The following HTT-AS variants were observed in gnomAD, a reference collection of about 807,000 sequenced individuals.
HTT-AS encodes the protein HTT antisense RNA (head to head).
At chr4:3,046,566 T>C (rs181996373), downstream of HTT-AS, among the ~76,000 whole-genome samples, 1 of 152,380 alleles carries the variant, frequency 6.6e-6, no homozygotes, top group African/African-American at 2.4e-5. Flanking sequence ...CTTTTGGTCA[T>C]TTTCTCAATT....
intron 1 of HTT-AS, among the ~76,000 whole-genome samples, chr4:3,065,748 T>C (rs948537424): frequency 6.6e-6 from 1 of 152,264 alleles, no homozygotes; most frequent in Non-Finnish European, 1.5e-5. Context: ...ATCTGCTGTT[T>C]GCCCTTGTGA....
downstream of HTT-AS, among the ~76,000 whole-genome samples, chr4:3,047,037 C>T (rs947124415): frequency 5.3e-5 from 8 of 152,294 alleles, no homozygotes; most frequent in South Asian, 4.1e-4. Flanking sequence ...CTAGGCCGGG[C>T]GCAGTGGCTT....
intron 2 of HTT-AS, among the ~76,000 whole-genome samples, chr4:3,053,187 TTCTG>T (rs1397819169): frequency 6.6e-6 from 1 of 152,232 alleles, no homozygotes; most frequent in East Asian, 1.9e-4. Context: ...TTGGATCTTC[TTCTG>T]TCTGTCTGTG....
intron 1 of HTT-AS, among the ~76,000 whole-genome samples, chr4:3,066,371 T>C (rs1182933892): frequency 1.3e-5 from 2 of 152,176 alleles, no homozygotes; most frequent in Non-Finnish European, 1.5e-5. Flanking sequence ...GGTTTCACCA[T>C]GTTGGCCAGG....
In HTT-AS at chr4:3,074,077, C is replaced by T. The variant is rs1400013910; in HGVS notation, n.113+349G>A. Among the ~76,000 whole-genome samples, 10 of 145,158 alleles carry T rather than the reference C, an allele frequency of 6.9e-5. 1 individual carries two copies. The highest frequency in any genetic ancestry group is 2.3e-4 in the African/African-American group (9 of 39,034). ...CTCCATGGCCCTGCCCCTCCGCGCC[C>T]CACCCCTCCCTCGCCCCACCTCTCA... is the stretch of plus-strand genomic sequence containing the variant. On this transcript the variant is annotated intron_variant and non_coding_transcript_variant, in intron 1 of 2. Coordinates refer to ENST00000664062, the Ensembl canonical transcript of HTT-AS.
downstream of HTT-AS, among the ~76,000 whole-genome samples, chr4:3,048,112 G>A (rs186966267): frequency 1.3e-5 from 2 of 152,216 alleles, no homozygotes; most frequent in African/African-American, 4.8e-5. Flanking sequence ...GTGGTCCCCT[G>A]GGCCCAGCTG....
intron 1 of HTT-AS, among the ~76,000 whole-genome samples, chr4:3,071,414 T>C (rs1215216805): frequency 1.3e-5 from 2 of 152,174 alleles, no homozygotes; most frequent in Non-Finnish European, 2.9e-5. Flanking sequence ...TTTCCCTTCA[T>C]TTTATGTGAT....
intron 2 of HTT-AS, among the ~76,000 whole-genome samples, chr4:3,054,106 T>C (rs1416480847): frequency 2.0e-5 from 3 of 151,968 alleles, no homozygotes; most frequent in African/African-American, 7.3e-5. Context: ...CTTTTCTAAA[T>C]TGTTCAAATT....
upstream of HTT-AS, chr4:3,074,548 C>T (rs1712346957): frequency 3.0e-6 from 1 of 332,350 alleles, no homozygotes; most frequent in Admixed American, 5.1e-5. Context: ...CAGGGGCGGG[C>T]TGGTTCCCTG....
At chr4:3,055,806 G>A (rs751733241) in intron 2 of HTT-AS, among the ~76,000 whole-genome samples, 3 of 152,044 alleles carry the variant, frequency 2.0e-5, no homozygotes, top group Admixed American at 6.6e-5. Flanking sequence ...ACATCCCCAC[G>A]AATTTTCAAA....
intron 2 of HTT-AS, among the ~76,000 whole-genome samples, chr4:3,057,311 GCGTGAGCCACTGCACCCCACC>G (rs1578465980): frequency 6.6e-6 from 1 of 152,104 alleles, no homozygotes; most frequent in Non-Finnish European, 1.5e-5. Context: ...GGGATTACAG[GCGTGAGCCACTGCACCCCACC>G]CTGTGACTGG....
chr4:3,053,145 T>G (rs1442413751), intron 2 of HTT-AS, among the ~76,000 whole-genome samples: 1 of 152,222 alleles, frequency 6.6e-6, no homozygotes, highest in Non-Finnish European at 1.5e-5. Flanking sequence ...TTTAGAAACT[T>G]AGAAAGTGGT....
chr4:3,061,401 C>T (rs186933978), intron 2 of HTT-AS, among the ~76,000 whole-genome samples: 1 of 152,320 alleles, frequency 6.6e-6, no homozygotes, highest in Admixed American at 6.5e-5. Flanking sequence ...CGTCTATTGA[C>T]TGGGCGCAGT....
chr4:3,054,001 C>T (rs554428117), intron 2 of HTT-AS, among the ~76,000 whole-genome samples: 2 of 151,898 alleles, frequency 1.3e-5, no homozygotes, highest in Non-Finnish European at 2.9e-5. Context: ...CTCATGATCC[C>T]CCCGCCTCCG....
At chr4:3,061,006 G>C (rs1711916448) in intron 2 of HTT-AS, among the ~76,000 whole-genome samples, 1 of 152,304 alleles carries the variant, frequency 6.6e-6, no homozygotes, top group East Asian at 1.9e-4. Context: ...CTCTATAGGA[G>C]ACAGCTATTC....
chr4:3,074,009 C>CCCCGCCCCGTCCAT (rs1560534102), intron 1 of HTT-AS, among the ~76,000 whole-genome samples: 2,347 of 150,702 alleles, frequency 0.016, 74 homozygotes, highest in African/African-American at 0.054. Flanking sequence ...GCCCCCTCCA[C>CCCCGCCCCGTCCAT]GGCCCCGCCC....
chr4:3,060,029 C>G (rs1313276394), intron 2 of HTT-AS, among the ~76,000 whole-genome samples: 2 of 148,592 alleles, frequency 1.3e-5, no homozygotes, highest in Non-Finnish European at 3.0e-5. Context: ...TCCAGTGATT[C>G]TCCTGCGTCG....
chr4:3,073,477 A>C (rs2110126704), intron 1 of HTT-AS, among the ~76,000 whole-genome samples: 1 of 152,352 alleles, frequency 6.6e-6, no homozygotes, highest in East Asian at 1.9e-4. Context: ...GTCCTGCCGG[A>C]AGGTCAGAGC....
At chr4:3,060,129 G>A (rs1711898956) in intron 2 of HTT-AS, among the ~76,000 whole-genome samples, 1 of 152,130 alleles carries the variant, frequency 6.6e-6, no homozygotes, top group Non-Finnish European at 1.5e-5. Flanking sequence ...TAAGTGTGAT[G>A]AAATGGTTGG....
Sources: allele counts gnomAD v4.1 joint callset (sites outside exome capture counted in the v4.1 genomes callset), GRCh38; gene constraint gnomAD v4.1.1; transcripts MANE v1.5; gene names NCBI Gene and HGNC (gene_info 2026-07-23, HGNC 2026-07-21).